The following MACF1 variants were observed in gnomAD, a reference collection of about 807,000 sequenced individuals.
MACF1 encodes the protein microtubule-actin cross-linking factor 1.
In MACF1, 193 loss-of-function variants were observed where a neutral mutation model predicts 854.8. The observed-to-expected ratio is 0.23, with a 90% CI of 0.20 to 0.25. The LOEUF (loss-of-function observed/expected upper bound fraction) is 0.25, where lower values mean the gene tolerates loss of function less well. MACF1 is among the 10% of genes least tolerant of loss of function. MACF1 has a pLI of 1.00. For synonymous variants in MACF1, 3,185 were observed against 3,226.7 expected (o/e 0.99, Z 0.44); for missense variants, 7,722 against 8,929.1 (o/e 0.86, Z 5.45).
chr1:39,100,905 T>C (rs9438997), intron 2 of MACF1, among the ~76,000 whole-genome samples: 90,150 of 142,150 alleles, frequency 0.63, 27,830 homozygotes, highest in East Asian at 0.98. Context: ...AATATACAAA[T>C]GCACGCGCGC....
At chr1:39,435,180 A>G (rs1643946432) in intron 69 of MACF1, among the ~76,000 whole-genome samples, 1 of 152,234 alleles carries the variant, frequency 6.6e-6, no homozygotes, top group South Asian at 2.1e-4. Flanking sequence ...CCAGCTTGGT[A>G]TCTCAGTCTG....
In MACF1 at chr1:39,334,723, T is replaced by G; in HGVS notation, c.8135T>G (p.Leu2712Arg). 1 of 1,614,126 alleles carries G rather than the reference T, an allele frequency of 6.2e-7. No homozygotes were observed. Among genetic ancestry groups the G allele is most frequent in the Non-Finnish European group, 8.5e-7 (1 of 1,180,010 alleles). Residue 2712 changes from leucine (L) to arginine (R), a missense_variant, in exon 37 of 101, where the codon CTG becomes CGG. Around this residue, in one of 15 missense-constraint regions of MACF1, gnomAD observed 1,531 missense variants for 1,601.6 expected, o/e 0.96. Coordinates refer to ENST00000564288, the MANE Select transcript of MACF1 (RefSeq NM_001394062.1). ...LTLASALEEKLVDENMVRIIA... is the reference protein window; with the variant it reads ...LTLASALEEKRVDENMVRIIA... ...TTGGCATCAGCTTTGGAAGAGAAAC[T>G]GGTGGATGAAAACATGGTCAGAATT...
At chr1:39,480,226 T>G in intron 98 of MACF1, 1 of 435,170 alleles carries the variant, frequency 2.3e-6, no homozygotes, top group East Asian at 3.6e-5. Context: ...CCAAAGGACA[T>G]TTATTAAAAT....
In MACF1 at chr1:39,282,382, C is replaced by G. The variant is rs566695188; in HGVS notation, c.695+8C>G. On this transcript the variant is annotated splice_region_variant and intron_variant, in intron 7 of 100. Transcript: ENST00000564288. Reference sequence around the variant, plus strand: ...ACTCATTCACCGATACCGGTAAGAACAGTGGAATTTCTGTGCTCCTGCAGG... The same window carrying G: ...ACTCATTCACCGATACCGGTAAGAAGAGTGGAATTTCTGTGCTCCTGCAGG... The G allele has an allele frequency of 6.2e-7, 1 of 1,608,678 alleles. No individual in the cohort carries two copies. Among genetic ancestry groups the G allele is most frequent in the Admixed American group, 1.7e-5 (1 of 59,776 alleles).
chr1:39,128,217 A>AT (rs996914966), intron 2 of MACF1, among the ~76,000 whole-genome samples: 31 of 147,182 alleles, frequency 2.1e-4, no homozygotes, highest in Admixed American at 8.8e-4. Flanking sequence ...TTTATTTTTT[A>AT]TTTTTTTTTT....
At chr1:39,287,608 G>T (rs746356836) in intron 15 of MACF1, 46 bp downstream of exon 15, 1 of 1,597,820 alleles carries the variant, frequency 6.3e-7, no homozygotes, top group East Asian at 2.2e-5. Flanking sequence ...ATGTTTACTG[G>T]ATCTGGAAGC....
intron 26 of MACF1, among the ~76,000 whole-genome samples, chr1:39,313,302 T>C (rs1646340164): frequency 6.6e-6 from 1 of 152,184 alleles, no homozygotes; most frequent in South Asian, 2.1e-4. Flanking sequence ...TTTCCCTTTG[T>C]AATTACTGAG....
chr1:39,322,784 A>G (rs998452125), intron 32 of MACF1, 69 bp downstream of exon 32: 2 of 1,562,284 alleles, frequency 1.3e-6, no homozygotes, highest in Non-Finnish European at 1.8e-6. Flanking sequence ...CCTGGGCCTT[A>G]CATTTTGATT....
chr1:39,147,461 T>A (rs1356223050), intron 2 of MACF1, among the ~76,000 whole-genome samples: 2 of 150,786 alleles, frequency 1.3e-5, no homozygotes, highest in Non-Finnish European at 3.0e-5. Context: ...TTCTTTTCTT[T>A]CCTCTTTTTT....
In MACF1 at chr1:39,284,162, C is replaced by A. The variant is rs762483282; in HGVS notation, c.1012C>A (p.Pro338Thr). 10 of 1,613,392 alleles carry A rather than the reference C, an allele frequency of 6.2e-6. No individual in the cohort carries two copies. The East Asian group carries it at 2.0e-4, about 32-fold the overall frequency. ...HTILMSDKTFPQNPVELKALY... is the reference protein window; with the variant it reads ...HTILMSDKTFTQNPVELKALY... ...AATACTGATGTCAGATAAAACTTTT[C>A]CCCAAAACCCTGTTGAACTAAAGGT... The change falls in exon 10 of 101, where the codon CCC becomes ACC. Residue 338 changes from proline to threonine, a missense_variant. By Grantham distance (38) the Pro-to-Thr change is conservative. Transcript: ENST00000564288.
chr1:39,267,359 T>C (rs184620354), intron 6 of MACF1, among the ~76,000 whole-genome samples: 4 of 152,306 alleles, frequency 2.6e-5, no homozygotes, highest in Admixed American at 2.0e-4. Flanking sequence ...GCCTCCTGAA[T>C]AGCTGGGACT....
chr1:39,187,264 T>A (rs898210530), intron 2 of MACF1, among the ~76,000 whole-genome samples: 6 of 152,228 alleles, frequency 3.9e-5, no homozygotes, highest in Non-Finnish European at 8.8e-5. Flanking sequence ...TTGTCACTTG[T>A]TTACTGATCT....
chr1:39,134,992 A>C (rs1286828333), intron 2 of MACF1, among the ~76,000 whole-genome samples: 1 of 152,100 alleles, frequency 6.6e-6, no homozygotes, highest in Non-Finnish European at 1.5e-5. Flanking sequence ...TTCTGTTTCT[A>C]TGCATTTGAC....
intron 58 of MACF1, chr1:39,411,103 G>A (rs1275871517): frequency 6.2e-7 from 1 of 1,613,548 alleles, no homozygotes; most frequent in East Asian, 2.2e-5. Flanking sequence ...CCCCCTTGGG[G>A]ACACAGCCTG....
intron 2 of MACF1, among the ~76,000 whole-genome samples, chr1:39,238,741 C>T (rs1223896510): frequency 1.3e-5 from 2 of 152,116 alleles, no homozygotes; most frequent in East Asian, 3.9e-4. Flanking sequence ...TTCTTAAATC[C>T]TTGGTGATTT....
intron 49 of MACF1, among the ~76,000 whole-genome samples, chr1:39,364,226 A>G (rs891137457): frequency 6.6e-6 from 1 of 150,568 alleles, no homozygotes; most frequent in Admixed American, 6.6e-5. Context: ...GTAAAACATG[A>G]TATGTGAATG....
In MACF1 at chr1:39,447,448, C is replaced by A; in HGVS notation, c.19622C>A (p.Ala6541Asp). The change falls in exon 81 of 101, where the codon GCC becomes GAC. Residue 6541 changes from alanine to aspartate, a missense_variant. This residue lies in a region of MACF1 where 729 missense variants were observed against 900.5 expected (regional missense o/e 0.81). Transcript: ENST00000564288. ...GAAATTCAGTCAAAGCTGGAAGAGG[C>A]CCTCAACTTGGCAACAGAATTCCAG... The part of the protein sequence containing the change: ...MEERKSKLEE[A>D]LNLATEFQNS... 6.2e-7 allele frequency: 1 copy of A among 1,614,010 alleles called. No homozygotes were observed. Among genetic ancestry groups the A allele is most frequent in the Non-Finnish European group, 8.5e-7 (1 of 1,179,980 alleles).
intron 43 of MACF1, among the ~76,000 whole-genome samples, chr1:39,351,980 G>A (rs1386419366): frequency 6.6e-6 from 1 of 152,072 alleles, no homozygotes; most frequent in Non-Finnish European, 1.5e-5. Context: ...AGCTGTCCCC[G>A]AGCTGCCTCT....
intron 1 of MACF1, among the ~76,000 whole-genome samples, chr1:39,218,855 A>G (rs1644611040): frequency 6.6e-6 from 1 of 152,172 alleles, no homozygotes; most frequent in Non-Finnish European, 1.5e-5. Context: ...ATCTCGGCTC[A>G]CTGCAACCTC....
Sources: gnomAD v4.1 joint callset for allele counts (sites outside exome capture counted in the v4.1 genomes callset) on GRCh38, gnomAD v4.1.1 for gene constraint, gnomAD v4.1.1 regional missense constraint, MANE v1.5 for transcripts, NCBI Gene and HGNC (gene_info 2026-07-23, HGNC 2026-07-21) for gene names.